Variants in KCNMB2 observed in about 807,000 individuals in gnomAD.
KCNMB2 encodes potassium calcium-activated channel subfamily M regulatory beta subunit 2, also known as calcium-activated potassium channel subunit beta-2.
Under a neutral mutation model 24.5 loss-of-function variants are expected in KCNMB2, and 9 were observed. The ratio of observed to expected loss-of-function variants is 0.37; its 90% CI spans 0.22 to 0.64. The LOEUF (loss-of-function observed/expected upper bound fraction) is 0.64, where lower values mean the gene tolerates loss of function less well. Ranked by LOEUF, KCNMB2 falls within the 30% of genes least tolerant of loss-of-function variation. KCNMB2 has a pLI of 0.63. For synonymous variants in KCNMB2, 109 were observed against 104.4 expected, an observed-to-expected ratio of 1.04 and a Z score of -0.27; for missense variants, 226 against 284.3, an observed-to-expected ratio of 0.79 and a Z score of 1.47.
At chr3:178,621,174 A>G (rs1180558101) in intron 1 of KCNMB2, among the ~76,000 whole-genome samples, 1 of 152,234 alleles carries the variant, frequency 6.6e-6, no homozygotes, top group Admixed American at 6.5e-5. Flanking sequence ...CCAAAACAAT[A>G]GAGCCTGAAT....
chr3:178,612,784 G>T (rs753298130), intron 1 of KCNMB2, among the ~76,000 whole-genome samples: 3 of 151,786 alleles, frequency 2.0e-5, no homozygotes, highest in Non-Finnish European at 2.9e-5. Context: ...TTTGTTATTT[G>T]TTTTCTGGTT....
rs1044053192 is a variant in KCNMB2, at chr3:178,842,951, T to G, written c.*14T>G. The G allele has an allele frequency of 2.4e-5, 38 of 1,584,922 alleles. No homozygotes were observed. In the Admixed American group the frequency reaches 6.4e-4, roughly 27 times the overall value. On this transcript the variant is annotated 3_prime_UTR_variant, in exon 5 of 5. Transcript: ENST00000452583. ...ATCAATAGATAAATGCAAAAATGGA[T>G]AAAATAATTTTTGTTAAAGCTCAAA...
At chr3:178,751,065 A>T (rs959871359) in intron 1 of KCNMB2, among the ~76,000 whole-genome samples, 7 of 151,672 alleles carry the variant, frequency 4.6e-5, no homozygotes, top group African/African-American at 1.7e-4. Context: ...TCACATAACT[A>T]AATAGTTTGC....
intron 1 of KCNMB2, among the ~76,000 whole-genome samples, chr3:178,574,636 G>A (rs1369094644): frequency 7.2e-5 from 11 of 152,180 alleles, no homozygotes; most frequent in African/African-American, 2.7e-4. Flanking sequence ...TGAGTCGAGT[G>A]CCCAGCTGTT....
rs1711501268 is a variant in KCNMB2, at chr3:178,758,655, TATATCTCTCTCCAAGAGG to T, written c.-67-48683_-67-48666del. Reference sequence around the variant, plus strand: ...ATCTCTCTCTCCAAGAGGATATATATATATCTCTCTCCAAGAGGATATATATATATATATCTCTCTCTC... The same window carrying T: ...ATCTCTCTCTCCAAGAGGATATATATATATATATATATATATCTCTCTCTC... On this transcript the variant is annotated intron_variant, in intron 1 of 4. Coordinates refer to ENST00000452583, the MANE Select transcript of KCNMB2 (RefSeq NM_181361.3). Among the ~76,000 whole-genome samples, 11 of 82,158 alleles carry T rather than the reference TATATCTCTCTCCAAGAGG, an allele frequency of 1.3e-4. 1 individual carries two copies. The highest frequency in any genetic ancestry group is 2.8e-4 in the Non-Finnish European group (11 of 39,912). 53.9% of individuals were successfully genotyped at this position (82,158 alleles called of 152,430 possible).
At chr3:178,678,307 C>T (rs1721141882) in intron 1 of KCNMB2, among the ~76,000 whole-genome samples, 1 of 152,188 alleles carries the variant, frequency 6.6e-6, no homozygotes, top group Non-Finnish European at 1.5e-5. Context: ...CATGAATTAA[C>T]CCTTGCCTGA....
At chr3:178,783,273 G>A (rs1002465518) in intron 1 of KCNMB2, among the ~76,000 whole-genome samples, 7 of 150,320 alleles carry the variant, frequency 4.7e-5, no homozygotes, top group South Asian at 2.1e-4. Context: ...TTGGCAATGC[G>A]GGCTCTTTTT....
chr3:178,552,873 C>T (rs942532203), intron 1 of KCNMB2, among the ~76,000 whole-genome samples: 6 of 152,122 alleles, frequency 3.9e-5, no homozygotes, highest in Non-Finnish European at 7.4e-5. Context: ...TGACAGCCCC[C>T]ATAATGATGC....
At chr3:178,665,936 T>A (rs956357110) in intron 1 of KCNMB2, among the ~76,000 whole-genome samples, 2 of 152,174 alleles carry the variant, frequency 1.3e-5, no homozygotes, top group Admixed American at 6.6e-5. Flanking sequence ...AAGAATAGCA[T>A]CCCCGTTAAG....
At chr3:178,583,924 G>A (rs760859762) in intron 1 of KCNMB2, among the ~76,000 whole-genome samples, 13 of 152,326 alleles carry the variant, frequency 8.5e-5, no homozygotes, top group Non-Finnish European at 1.6e-4. Flanking sequence ...GCAGGTGGAA[G>A]AATTAACCGG....
Position 178,585,248 on chromosome 3 carries a change from T to G in KCNMB2, c.-68+48537T>G, listed in dbSNP as rs535098954. ...GAACAGCATCATCATAATACATTTG[T>G]ACAAACTCGAATTTCAGTGGCTCTT... On this transcript the variant is annotated intron_variant, in intron 1 of 4. Coordinates refer to ENST00000452583, the MANE Select transcript of KCNMB2 (RefSeq NM_181361.3). 3.9e-5 allele frequency among the ~76,000 whole-genome samples: 6 copies of G among 152,348 alleles called. No homozygotes were observed. In the South Asian group the frequency reaches 1.2e-3, roughly 32 times the overall value.
At chr3:178,630,217 A>G (rs1719267468) in intron 1 of KCNMB2, among the ~76,000 whole-genome samples, 1 of 152,234 alleles carries the variant, frequency 6.6e-6, no homozygotes. Context: ...ATGGTATCAA[A>G]GGATGGCTTG....
At chr3:178,665,615 T>C (rs576465965) in intron 1 of KCNMB2, among the ~76,000 whole-genome samples, 2 of 152,250 alleles carry the variant, frequency 1.3e-5, no homozygotes, top group African/African-American at 4.8e-5. Context: ...AGATTAGGCA[T>C]AACAAATATT....
At chr3:178,573,911 T>A (rs1716899962) in intron 1 of KCNMB2, among the ~76,000 whole-genome samples, 1 of 151,936 alleles carries the variant, frequency 6.6e-6, no homozygotes, top group South Asian at 2.1e-4. Context: ...AAAGGAGAGA[T>A]GAAAATGATC....
chr3:178,600,278 G>GTA (rs763782263), intron 1 of KCNMB2, among the ~76,000 whole-genome samples: 6 of 152,114 alleles, frequency 3.9e-5, no homozygotes, highest in Non-Finnish European at 5.9e-5. Context: ...ATTCCATTGT[G>GTA]TATATATATG....
intron 1 of KCNMB2, among the ~76,000 whole-genome samples, chr3:178,763,445 G>T (rs1435810034): frequency 1.3e-5 from 2 of 152,084 alleles, no homozygotes; most frequent in African/African-American, 4.8e-5. Context: ...CTGTGAAATC[G>T]ATTTAGATGA....
chr3:178,781,469 G>C (rs2108431694), intron 1 of KCNMB2, among the ~76,000 whole-genome samples: 1 of 152,218 alleles, frequency 6.6e-6, no homozygotes, highest in South Asian at 2.1e-4. Flanking sequence ...GCACACGCCT[G>C]TAATCCCAGC....
intron 1 of KCNMB2, among the ~76,000 whole-genome samples, chr3:178,677,475 C>A (rs77373434): frequency 6.6e-6 from 1 of 152,184 alleles, no homozygotes; most frequent in South Asian, 2.1e-4. Flanking sequence ...CTCTCTTCAT[C>A]GTCAGCCCTC....
intron 1 of KCNMB2, among the ~76,000 whole-genome samples, chr3:178,714,011 T>C (rs1393706803): frequency 6.6e-6 from 1 of 152,160 alleles, no homozygotes; most frequent in Non-Finnish European, 1.5e-5. Flanking sequence ...CTTCTTAAAC[T>C]CTCAAGTTTT....
Sources: allele counts gnomAD v4.1 joint callset (sites outside exome capture counted in the v4.1 genomes callset), GRCh38; gene constraint gnomAD v4.1.1; transcripts MANE v1.5; gene names NCBI Gene and HGNC (gene_info 2026-07-23, HGNC 2026-07-21).